Variants in LRRC4C observed in about 807,000 individuals in gnomAD.
LRRC4C encodes the protein leucine rich repeat containing 4C.
A neutral mutation model predicts 33.6 loss-of-function variants in LRRC4C; 5 were observed. That is an observed-to-expected ratio of 0.15 (90% CI 0.08 to 0.31). LRRC4C has a LOEUF of 0.31. LRRC4C is among the 10% of genes least tolerant of loss of function. The pLI, the probability that LRRC4C is intolerant of heterozygous loss-of-function variation, is 1.00. For synonymous variants in LRRC4C, 329 were observed against 302.0 expected (o/e 1.09, Z -0.93); for missense variants, 560 against 796.7 (o/e 0.70, Z 3.58).
intron 3 of LRRC4C, among the ~76,000 whole-genome samples, chr11:40,349,086 A>G (rs1947266535): frequency 6.6e-6 from 1 of 152,196 alleles, no homozygotes; most frequent in Admixed American, 6.5e-5. Flanking sequence ...CAAACATTGC[A>G]ATTATACTCT....
intron 2 of LRRC4C, among the ~76,000 whole-genome samples, chr11:40,657,502 C>T (rs1053552028): frequency 1.3e-5 from 2 of 152,168 alleles, no homozygotes; most frequent in African/African-American, 4.8e-5. Context: ...ATTCAGTTAT[C>T]TCTCTGCTCA....
chr11:40,751,052 T>C (rs928876909), intron 2 of LRRC4C, among the ~76,000 whole-genome samples: 1 of 151,508 alleles, frequency 6.6e-6, no homozygotes, highest in Non-Finnish European at 1.5e-5. Context: ...AAAAACACAA[T>C]TGACAAATTC....
chr11:41,458,808 G>C (rs1956248021), intron 1 of LRRC4C, among the ~76,000 whole-genome samples: 1 of 152,066 alleles, frequency 6.6e-6, no homozygotes, highest in Non-Finnish European at 1.5e-5. Context: ...GCAATAGCGA[G>C]AGAATCAGTG....
At chr11:41,423,915 G>A (rs772981051) in intron 1 of LRRC4C, 5 of 149,170 alleles carry the variant, frequency 3.4e-5, no homozygotes, top group Non-Finnish European at 5.9e-5. Context: ...TTGTAGGAGG[G>A]ACCTGGTGGG....
chr11:41,204,629 T>A (rs1946526216), intron 1 of LRRC4C, among the ~76,000 whole-genome samples: 1 of 152,242 alleles, frequency 6.6e-6, no homozygotes, highest in Admixed American at 6.5e-5. Flanking sequence ...TAGAACTTTT[T>A]CATTCTGTGC....
intron 2 of LRRC4C, among the ~76,000 whole-genome samples, chr11:40,893,707 C>T (rs1421937156): frequency 6.6e-6 from 1 of 151,902 alleles, no homozygotes; most frequent in Non-Finnish European, 1.5e-5. Context: ...AAATTATGGT[C>T]ACGGAAGAAT....
At chr11:40,659,910 G>A (rs1943340883) in intron 2 of LRRC4C, among the ~76,000 whole-genome samples, 1 of 152,184 alleles carries the variant, frequency 6.6e-6, no homozygotes, top group Non-Finnish European at 1.5e-5. Context: ...TGTACCAAAT[G>A]GTGGGACTGA....
intron 1 of LRRC4C, among the ~76,000 whole-genome samples, chr11:41,414,621 A>G (rs1033503000): frequency 6.6e-6 from 1 of 152,054 alleles, no homozygotes; most frequent in Non-Finnish European, 1.5e-5. Flanking sequence ...GAGGTTCAGA[A>G]CAGAACATTT....
intron 3 of LRRC4C, among the ~76,000 whole-genome samples, chr11:40,334,317 A>G (rs535186743): frequency 6.6e-6 from 1 of 152,062 alleles, no homozygotes; most frequent in South Asian, 2.1e-4. Flanking sequence ...ATGGTTTCAG[A>G]AGATACCCAC....
chr11:40,781,369 A>T (rs987599535), intron 2 of LRRC4C, among the ~76,000 whole-genome samples: 63 of 152,244 alleles, frequency 4.1e-4, no homozygotes, highest in African/African-American at 1.5e-3. Flanking sequence ...AATAATATCA[A>T]CCAATTAAGA....
At chr11:40,351,122 A>G (rs1947362859) in intron 3 of LRRC4C, among the ~76,000 whole-genome samples, 1 of 151,960 alleles carries the variant, frequency 6.6e-6, no homozygotes, top group South Asian at 2.1e-4. Flanking sequence ...ACTATTTTCA[A>G]TAGTAATGGT....
chr11:40,421,183 T>C lies in LRRC4C; in HGVS notation c.-269-101462A>G, dbSNP rs532934687. On this transcript the variant is annotated intron_variant, in intron 3 of 6. Coordinates refer to ENST00000528697, the MANE Select transcript of LRRC4C (RefSeq NM_001258419.2). ...CTTTCTTGATATACCAGTGTTTAAC[T>C]ATGAATAAGACAGTTGAAATCTTAG... 2.0e-5 allele frequency among the ~76,000 whole-genome samples: 3 copies of C among 152,366 alleles called. No homozygotes were observed. The East Asian group carries it at 5.8e-4, about 29-fold the overall frequency.
chr11:41,234,663 C>CGGA (rs1433861356), intron 1 of LRRC4C, among the ~76,000 whole-genome samples: 1 of 151,926 alleles, frequency 6.6e-6, no homozygotes, highest in Non-Finnish European at 1.5e-5. Context: ...AATCATAATC[C>CGGA]GAATGGATGG....
chr11:40,630,173 CTA>C (rs1297879742), intron 3 of LRRC4C, among the ~76,000 whole-genome samples: 1 of 152,040 alleles, frequency 6.6e-6, no homozygotes, highest in Non-Finnish European at 1.5e-5. Flanking sequence ...AAAGCCAAAA[CTA>C]TCTTTGAGAA....
At chr11:40,500,262 CTAA>C (rs1400222687) in intron 3 of LRRC4C, among the ~76,000 whole-genome samples, 1 of 127,584 alleles carries the variant, frequency 7.8e-6, no homozygotes, top group Non-Finnish European at 1.6e-5. Context: ...ACCACATAAC[CTAA>C]TGTCTGATAT....
At chr11:40,575,434 C>A (rs1191153781) in intron 3 of LRRC4C, among the ~76,000 whole-genome samples, 1 of 151,286 alleles carries the variant, frequency 6.6e-6, no homozygotes, top group Non-Finnish European at 1.5e-5. Context: ...TTTCTTGGGA[C>A]CTGTGATTTT....
At chr11:40,514,877 A>G (rs901416791) in intron 3 of LRRC4C, among the ~76,000 whole-genome samples, 3 of 152,174 alleles carry the variant, frequency 2.0e-5, no homozygotes, top group African/African-American at 7.2e-5. Flanking sequence ...AAAATTATCA[A>G]ACCAATTTAA....
At chr11:41,239,659 ATTTTTT>A (rs1948171913) in intron 1 of LRRC4C, among the ~76,000 whole-genome samples, 1 of 151,790 alleles carries the variant, frequency 6.6e-6, no homozygotes, top group African/African-American at 2.4e-5. Context: ...ATTCTGTCAT[ATTTTTT>A]CTCTTTTCAT....
At chr11:41,110,314 C>A (rs563282130) in intron 1 of LRRC4C, among the ~76,000 whole-genome samples, 3 of 152,096 alleles carry the variant, frequency 2.0e-5, no homozygotes, top group African/African-American at 7.2e-5. Flanking sequence ...AAAGTGCAAG[C>A]TTAATAATAG....
Sources: gnomAD v4.1 joint callset for allele counts (sites outside exome capture counted in the v4.1 genomes callset) on GRCh38, gnomAD v4.1.1 for gene constraint, MANE v1.5 for transcripts, NCBI Gene and HGNC (gene_info 2026-07-23, HGNC 2026-07-21) for gene names.